Variants in PVT1 observed in about 807,000 individuals in gnomAD.
PVT1 encodes Pvt1 oncogene, also known as CXCR4/PVT1 fusion.
At chr8:127,971,497 C>G (rs1405511799) in intron 3 of PVT1, among the ~76,000 whole-genome samples, 1 of 152,200 alleles carries the variant, frequency 6.6e-6, no homozygotes, top group Non-Finnish European at 1.5e-5. Flanking sequence ...ATAGCTCCAG[C>G]CCCCTGCCCT....
chr8:128,061,587 T>G (rs1432437841), intron 4 of PVT1, among the ~76,000 whole-genome samples: 1 of 152,236 alleles, frequency 6.6e-6, no homozygotes, highest in African/African-American at 2.4e-5. Flanking sequence ...CTAAAGTCTT[T>G]TCCAAAGTGT....
chr8:128,098,073 G>A (rs1814451013), intron 6 of PVT1, among the ~76,000 whole-genome samples: 2 of 152,080 alleles, frequency 1.3e-5, no homozygotes, highest in African/African-American at 4.8e-5. Context: ...CTGGACCTCG[G>A]GGCCTCCCTT....
At chr8:127,985,316 G>T (rs1230293868) in intron 3 of PVT1, among the ~76,000 whole-genome samples, 3 of 151,862 alleles carry the variant, frequency 2.0e-5, no homozygotes, top group Non-Finnish European at 4.4e-5. Context: ...ACAGGCGTGA[G>T]CCACCGCGCC....
At chr8:127,992,440 T>C (rs1446731940) in intron 4 of PVT1, among the ~76,000 whole-genome samples, 2 of 152,182 alleles carry the variant, frequency 1.3e-5, no homozygotes, top group South Asian at 2.1e-4. Context: ...GTCTTAGCTA[T>C]GTGGCCCAGG....
At chr8:127,826,456 G>T (rs1007964871) in intron 2 of PVT1, among the ~76,000 whole-genome samples, 1 of 152,104 alleles carries the variant, frequency 6.6e-6, no homozygotes, top group Non-Finnish European at 1.5e-5. Context: ...GTTGTATATG[G>T]CTGGCTAGAT....
At chr8:127,894,079 A>G (rs1815644147) in intron 3 of PVT1, among the ~76,000 whole-genome samples, 1 of 152,162 alleles carries the variant, frequency 6.6e-6, no homozygotes, top group Non-Finnish European at 1.5e-5. Flanking sequence ...GACTGCCGCT[A>G]CAGCAGTCCC....
intron 4 of PVT1, among the ~76,000 whole-genome samples, chr8:128,058,377 C>CGT (rs1563677347): frequency 9.1e-5 from 10 of 109,958 alleles, no homozygotes; most frequent in South Asian, 4.1e-4. Context: ...CAAACTGATG[C>CGT]ATGTGTGTGT....
intron 5 of PVT1, among the ~76,000 whole-genome samples, chr8:128,091,002 A>C (rs1358799206): frequency 6.6e-6 from 1 of 152,152 alleles, no homozygotes. Flanking sequence ...CTCCTCTGTA[A>C]AATGGGAATA....
chr8:128,010,203 T>C (rs1448466848), intron 4 of PVT1: 2 of 152,160 alleles, frequency 1.3e-5, no homozygotes, highest in African/African-American at 4.8e-5. Flanking sequence ...CAGCAATGGT[T>C]TCAGTGACCA....
chr8:127,881,068 T>G (rs1285201431), intron 2 of PVT1, among the ~76,000 whole-genome samples: 1 of 152,232 alleles, frequency 6.6e-6, no homozygotes, highest in Non-Finnish European at 1.5e-5. Flanking sequence ...TGAAGGTGCC[T>G]GCTGGTAGAA....
intron 3 of PVT1, among the ~76,000 whole-genome samples, chr8:127,916,897 C>T (rs867185148): frequency 6.6e-6 from 1 of 152,166 alleles, no homozygotes; most frequent in African/African-American, 2.4e-5. Flanking sequence ...GCTAGGGGAG[C>T]GTGAGTATCG....
In PVT1 at chr8:128,025,964, T is replaced by C. The variant is rs530707631; in HGVS notation, n.912+36673T>C. ...GAATCCAGCCTCCTTTTTTTTTTTT[T>C]CTTTTGAGACAGACTCTTGCTCTGT... On this transcript the variant is annotated intron_variant and non_coding_transcript_variant, in intron 4 of 10. Coordinates refer to ENST00000651587, the Ensembl canonical transcript of PVT1. Among the ~76,000 whole-genome samples the C allele has an allele frequency of 5.1e-4, 77 of 151,756 alleles. 1 individual carries two copies. Among genetic ancestry groups the C allele is most frequent in the African/African-American group, 1.7e-3 (71 of 41,312 alleles).
At chr8:127,873,021 C>T (rs73355293) in intron 2 of PVT1, among the ~76,000 whole-genome samples, 2,466 of 152,260 alleles carry the variant, frequency 0.016, 48 homozygotes, top group African/African-American at 0.056. Flanking sequence ...CGCATGGTTC[C>T]TCCTGTTTTC....
intron 2 of PVT1, among the ~76,000 whole-genome samples, chr8:127,825,395 T>C (rs1425277739): frequency 6.6e-6 from 1 of 152,146 alleles, no homozygotes; most frequent in Non-Finnish European, 1.5e-5. Context: ...TCTCATGAAA[T>C]TGGGTTTCTG....
At chr8:128,082,904 A>G (rs1017811992) in intron 5 of PVT1, 1 of 152,250 alleles carries the variant, frequency 6.6e-6, no homozygotes, top group Admixed American at 6.5e-5. Context: ...ACAGTTGACT[A>G]TCTCCAGACT....
intron 4 of PVT1, chr8:128,049,260 G>C (rs1168077108): frequency 2.0e-6 from 1 of 511,826 alleles, no homozygotes; most frequent in East Asian, 5.6e-5. Flanking sequence ...CACAGAAGCA[G>C]GTCATTTCGA....
intron 3 of PVT1, among the ~76,000 whole-genome samples, chr8:127,933,582 A>G (rs1816237754): frequency 6.6e-6 from 1 of 152,176 alleles, no homozygotes; most frequent in Non-Finnish European, 1.5e-5. Flanking sequence ...GGTGGGCAGG[A>G]GAGAGACTGG....
intron 4 of PVT1, among the ~76,000 whole-genome samples, chr8:128,047,566 G>C (rs10106014): frequency 0.04 from 6,060 of 152,274 alleles, 201 homozygotes; most frequent in East Asian, 0.17. Flanking sequence ...GAAGAGCACA[G>C]GAAAAGCCAA....
intron 3 of PVT1, among the ~76,000 whole-genome samples, chr8:127,933,793 G>GT (rs1346707802): frequency 6.6e-6 from 1 of 152,216 alleles, no homozygotes; most frequent in East Asian, 1.9e-4. Flanking sequence ...GCAGAACTGT[G>GT]TGGGGATGTT....
Sources: allele counts gnomAD v4.1 joint callset (sites outside exome capture counted in the v4.1 genomes callset), GRCh38; gene constraint gnomAD v4.1.1; transcripts MANE v1.5; gene names NCBI Gene and HGNC (gene_info 2026-07-23, HGNC 2026-07-21).